Variants in CLYBL observed in about 807,000 individuals in gnomAD.
CLYBL encodes citramalyl-CoA lyase.
In CLYBL, 31 loss-of-function variants were observed where a neutral mutation model predicts 38.9. That is an observed-to-expected ratio of 0.80 (90% CI 0.60 to 1.08). CLYBL has a LOEUF of 1.08. Ranked by LOEUF, CLYBL falls within the 50% of genes least tolerant of loss-of-function variation. CLYBL has a pLI of 0.00. For synonymous variants in CLYBL, 171 were observed against 158.6 expected (o/e 1.08, Z -0.59); for missense variants, 434 against 411.6 (o/e 1.05, Z -0.47).
At chr13:99,867,327 G>A (rs940131278) in intron 6 of CLYBL, among the ~76,000 whole-genome samples, 2 of 152,154 alleles carry the variant, frequency 1.3e-5, no homozygotes, top group South Asian at 2.1e-4. Context: ...AGCGGTTACC[G>A]AAAGAAAGGT....
intron 2 of CLYBL, among the ~76,000 whole-genome samples, chr13:99,786,359 C>T (rs2049794905): frequency 6.6e-6 from 1 of 152,042 alleles, no homozygotes; most frequent in African/African-American, 2.4e-5. Flanking sequence ...CTTCCCCCTC[C>T]CCCAACCCCA....
intron 1 of CLYBL, among the ~76,000 whole-genome samples, chr13:99,682,166 C>T (rs2047744916): frequency 6.6e-6 from 1 of 150,728 alleles, no homozygotes; most frequent in African/African-American, 2.4e-5. Flanking sequence ...TTTTTGGAGA[C>T]AGAGTCTCGC....
chr13:99,754,940 C>T (rs2049033083), intron 1 of CLYBL, among the ~76,000 whole-genome samples: 1 of 151,526 alleles, frequency 6.6e-6, no homozygotes, highest in Non-Finnish European at 1.5e-5. Flanking sequence ...CTCTGTTGCC[C>T]AGGCTGAAGT....
intron 2 of CLYBL, among the ~76,000 whole-genome samples, chr13:99,789,297 C>G (rs2049866492): frequency 6.6e-6 from 1 of 152,082 alleles, no homozygotes; most frequent in South Asian, 2.1e-4. Context: ...GTTAGGGTGT[C>G]AATTTTAGAT....
chr13:99,616,955 C>CAAT (rs546220552), intron 1 of CLYBL, among the ~76,000 whole-genome samples: 5 of 150,916 alleles, frequency 3.3e-5, no homozygotes, highest in African/African-American at 9.7e-5. Flanking sequence ...GACTCCGTCT[C>CAAT]AATAATAATA....
At chr13:99,789,744 G>T (rs1201589159) in intron 2 of CLYBL, among the ~76,000 whole-genome samples, 1 of 152,070 alleles carries the variant, frequency 6.6e-6, no homozygotes, top group Non-Finnish European at 1.5e-5. Context: ...TTCAATTCCT[G>T]GATATCCTTG....
At chr13:99,700,435 A>G (rs1019652488) in intron 1 of CLYBL, among the ~76,000 whole-genome samples, 3 of 152,002 alleles carry the variant, frequency 2.0e-5, no homozygotes, top group African/African-American at 7.3e-5. Context: ...CAAGAGAAAA[A>G]CTCCATCTCA....
At chr13:99,907,975 C>T (rs996703981) in intron 9 of CLYBL, among the ~76,000 whole-genome samples, 3 of 152,282 alleles carry the variant, frequency 2.0e-5, no homozygotes, top group Middle Eastern at 3.4e-3. Flanking sequence ...CCGGGGAGGA[C>T]GGTCAGGCTG....
At chr13:99,631,263 A>C (rs1321510980) in intron 1 of CLYBL, among the ~76,000 whole-genome samples, 4 of 152,042 alleles carry the variant, frequency 2.6e-5, no homozygotes, top group African/African-American at 9.6e-5. Context: ...CAGAAGTTGC[A>C]GTGACCTGAG....
At chr13:99,621,394 C>G (rs1369688232) in intron 1 of CLYBL, among the ~76,000 whole-genome samples, 1 of 152,158 alleles carries the variant, frequency 6.6e-6, no homozygotes. Flanking sequence ...AGCCTTCTTT[C>G]CCTGGACACC....
intron 1 of CLYBL, among the ~76,000 whole-genome samples, chr13:99,646,795 A>T (rs2047183851): frequency 6.6e-6 from 1 of 151,344 alleles, no homozygotes; most frequent in Admixed American, 6.6e-5. Context: ...AAGTGCTGGG[A>T]CTACAGGCGT....
chr13:99,716,190 T>G (rs2048310528), intron 1 of CLYBL, among the ~76,000 whole-genome samples: 1 of 122,978 alleles, frequency 8.1e-6, no homozygotes, highest in African/African-American at 3.1e-5. Flanking sequence ...TTTTTTTTTT[T>G]TTTTTTTTTT....
At chr13:99,756,813 G>A (rs895400988) in intron 1 of CLYBL, among the ~76,000 whole-genome samples, 5 of 152,206 alleles carry the variant, frequency 3.3e-5, no homozygotes, top group African/African-American at 1.2e-4. Flanking sequence ...CTTGGGTTTA[G>A]AAGTCATGTA....
chr13:99,905,788 C>T (rs1440035319), intron 9 of CLYBL, among the ~76,000 whole-genome samples: 2 of 149,996 alleles, frequency 1.3e-5, no homozygotes, highest in African/African-American at 2.5e-5. Flanking sequence ...GTTTTTGAGA[C>T]AGGGTCTCTG....
chr13:99,850,848 A>T lies in CLYBL; in HGVS notation c.250-8013A>T, dbSNP rs1380450448. ...AATGGAATATTATTCAGCCATAAAA[A>T]GGAATGAAGTTTGGATACATGCTGT... is the stretch of plus-strand genomic sequence containing the variant. On this transcript the variant is annotated intron_variant, in intron 2 of 8. Coordinates refer to ENST00000339105, the MANE Select transcript of CLYBL (RefSeq NM_206808.5). Among the ~76,000 whole-genome samples the T allele has an allele frequency of 3.9e-5, 6 of 152,270 alleles. No individual in the cohort carries two copies. The East Asian group carries it at 1.2e-3, about 29-fold the overall frequency.
intron 2 of CLYBL, among the ~76,000 whole-genome samples, chr13:99,773,838 C>T (rs575518513): frequency 3.9e-5 from 6 of 152,228 alleles, no homozygotes; most frequent in African/African-American, 1.4e-4. Context: ...ATTTTCTCTA[C>T]TTAATTTAAG....
intron 1 of CLYBL, among the ~76,000 whole-genome samples, chr13:99,671,585 G>A (rs2047565195): frequency 6.6e-6 from 1 of 152,014 alleles, no homozygotes; most frequent in Non-Finnish European, 1.5e-5. Context: ...TTTGAGACCG[G>A]CCTGGCCAAA....
chr13:99,718,296 G>C (rs1452532741), intron 1 of CLYBL, among the ~76,000 whole-genome samples: 1 of 151,802 alleles, frequency 6.6e-6, no homozygotes. Context: ...TAGCCTGTCC[G>C]GACCAGGTGC....
At chr13:99,859,556 G>A (rs1308093600) in intron 3 of CLYBL, among the ~76,000 whole-genome samples, 1 of 152,232 alleles carries the variant, frequency 6.6e-6, no homozygotes, top group Non-Finnish European at 1.5e-5. Flanking sequence ...TGAACAGGAA[G>A]CTTTTAACTA....
Sources: gnomAD v4.1 joint callset for allele counts (sites outside exome capture counted in the v4.1 genomes callset) on GRCh38, gnomAD v4.1.1 for gene constraint, MANE v1.5 for transcripts, NCBI Gene and HGNC (gene_info 2026-07-23, HGNC 2026-07-21) for gene names.